UBR3: variants seen among roughly 807,000 people sequenced by gnomAD.
UBR3 encodes ubiquitin protein ligase E3 component n-recognin 3.
A neutral mutation model predicts 243.2 loss-of-function variants in UBR3; 85 were observed. The ratio of observed to expected loss-of-function variants is 0.35; its 90% CI spans 0.29 to 0.42. The LOEUF (loss-of-function observed/expected upper bound fraction) is 0.42. Ranked by LOEUF, UBR3 falls within the 10% of genes least tolerant of loss-of-function variation. The pLI is 1.00. For synonymous variants in UBR3, 748 were observed against 799.8 expected, an observed-to-expected ratio of 0.94 and a Z score of 1.09; for missense variants, 1,686 against 2,300.8, an observed-to-expected ratio of 0.73 and a Z score of 5.47.
chr2:170,051,710 A>T (rs903241754), intron 32 of UBR3, among the ~76,000 whole-genome samples: 2 of 152,230 alleles, frequency 1.3e-5, no homozygotes, highest in African/African-American at 2.4e-5. Context: ...GCTATATGTC[A>T]GTGGTGTTTC....
intron 24 of UBR3, among the ~76,000 whole-genome samples, chr2:169,970,187 A>G (rs1412470674): frequency 8.0e-6 from 1 of 125,696 alleles, no homozygotes; most frequent in Non-Finnish European, 1.7e-5. Flanking sequence ...AGTGTTTTAT[A>G]GTTTTCCTTG....
At chr2:169,852,610 A>G (rs776440778) in intron 1 of UBR3, among the ~76,000 whole-genome samples, 1 of 151,906 alleles carries the variant, frequency 6.6e-6, no homozygotes, top group African/African-American at 2.4e-5. Flanking sequence ...TGGGAGGCCA[A>G]CGCAGGCGGA....
chr2:169,965,049 C>T, intron 24 of UBR3: 2 of 445,080 alleles, frequency 4.5e-6, no homozygotes, highest in Non-Finnish European at 9.0e-6. Flanking sequence ...CACACTGATT[C>T]TGTATTCCCT....
chr2:169,928,094 G>A (rs534724548), intron 17 of UBR3, among the ~76,000 whole-genome samples: 10 of 152,298 alleles, frequency 6.6e-5, no homozygotes, highest in African/African-American at 2.4e-4. Flanking sequence ...TAGAATGCCT[G>A]TTTGACAACC....
chr2:169,907,095 G>A (rs2085044505), intron 10 of UBR3, among the ~76,000 whole-genome samples: 1 of 143,446 alleles, frequency 7.0e-6, no homozygotes, highest in South Asian at 2.3e-4. Flanking sequence ...GGAGTGCAGT[G>A]GCACCATCTC....
intron 11 of UBR3, among the ~76,000 whole-genome samples, chr2:169,919,163 A>C (rs2085588174): frequency 6.6e-6 from 1 of 152,212 alleles, no homozygotes; most frequent in South Asian, 2.1e-4. Flanking sequence ...GCATGAATTT[A>C]TGTGACAGAA....
chr2:170,034,640 G>C (rs1004687463), intron 31 of UBR3, among the ~76,000 whole-genome samples: 2 of 151,966 alleles, frequency 1.3e-5, no homozygotes, highest in Non-Finnish European at 1.5e-5. Context: ...AAACATCTGT[G>C]TGCAGGTTTT....
chr2:169,852,420 T>C (rs1029985498), intron 1 of UBR3, among the ~76,000 whole-genome samples: 2 of 152,212 alleles, frequency 1.3e-5, no homozygotes, highest in Admixed American at 6.5e-5. Context: ...GTAAATAAAA[T>C]GTTATTGGAA....
intron 1 of UBR3, among the ~76,000 whole-genome samples, chr2:169,867,587 G>A (rs559964228): frequency 2.0e-5 from 3 of 152,104 alleles, no homozygotes; most frequent in Non-Finnish European, 4.4e-5. Context: ...TAATAGATAT[G>A]GTCAAGTGCC....
chr2:170,027,766 A>G (rs1310697862), intron 30 of UBR3, among the ~76,000 whole-genome samples: 1 of 151,968 alleles, frequency 6.6e-6, no homozygotes, highest in Non-Finnish European at 1.5e-5. Flanking sequence ...TATAAATTAT[A>G]TGCTTAGTAG....
chr2:169,988,623 A>G (rs1384198098), intron 25 of UBR3, among the ~76,000 whole-genome samples: 4 of 151,948 alleles, frequency 2.6e-5, no homozygotes, highest in Non-Finnish European at 5.9e-5. Context: ...TGGGCAACAC[A>G]GTAAGACCCT....
Position 170,079,837 on chromosome 2 carries a change from A to G in UBR3, c.5223A>G (p.Lys1741=), listed in dbSNP as rs1247828984. Residue 1741 remains lysine, a synonymous_variant, in exon 37 of 39, where the codon AAA becomes AAG. Coordinates refer to ENST00000272793, the MANE Select transcript of UBR3 (RefSeq NM_172070.4). ...QGKALLIQES[K]WKLPHLLQLP... is the part of the protein sequence containing the mutation. Reference sequence around the variant, plus strand: ...AGGCCTTGCTTATCCAAGAGTCAAAATGGAAATTACCACACCTACTACAGT... The same window carrying G: ...AGGCCTTGCTTATCCAAGAGTCAAAGTGGAAATTACCACACCTACTACAGT... 3 of 1,613,172 alleles carry G rather than the reference A, an allele frequency of 1.9e-6. No individual in the cohort carries two copies. The highest frequency in any genetic ancestry group is 1.1e-5 in the South Asian group (1 of 90,734).
intron 35 of UBR3, among the ~76,000 whole-genome samples, chr2:170,062,140 T>C (rs1296439136): frequency 6.6e-6 from 1 of 152,224 alleles, no homozygotes; most frequent in African/African-American, 2.4e-5. Flanking sequence ...ATTCAGTTTG[T>C]AGCCAGTTGT....
intron 1 of UBR3, among the ~76,000 whole-genome samples, chr2:169,831,421 A>G (rs2081939788): frequency 6.6e-6 from 1 of 151,582 alleles, no homozygotes; most frequent in South Asian, 2.1e-4. Context: ...AAGTGCTGGG[A>G]TTACAGGCAT....
At position 169,914,419 on chromosome 2, in the gene UBR3, GTGTCT is replaced by G. The variant is rs1442739148; in HGVS notation, c.1866+274_1866+278del. Among the ~76,000 whole-genome samples, 409 of 152,246 alleles carry G rather than the reference GTGTCT, an allele frequency of 2.7e-3. 3 individuals carry two copies. The highest frequency in any genetic ancestry group is 9.0e-3 in the African/African-American group (375 of 41,528). On this transcript the variant is annotated intron_variant, in intron 11 of 38. Coordinates refer to ENST00000272793, the MANE Select transcript of UBR3 (RefSeq NM_172070.4). The stretch of plus-strand genomic sequence containing the variant: ...TTTGTTTTTCCATTATTAAGTATAT[GTGTCT>G]CATTATTTCTCAGGGTGAAATAGTT...
Position 169,951,706 on chromosome 2 carries a change from A to T in UBR3, c.3545+1641A>T, listed in dbSNP as rs565148405. 7.9e-5 allele frequency among the ~76,000 whole-genome samples: 12 copies of T among 152,128 alleles called. No individual in the cohort carries two copies. The South Asian group carries it at 2.3e-3, about 29-fold the overall frequency. On this transcript the variant is annotated intron_variant, in intron 23 of 38. Transcript: ENST00000272793. ...ACATGAGGGTAGATTAGAGTGGGGT[A>T]AGACTGGAAATTGGGAGAGCAAGCT...
intron 24 of UBR3, among the ~76,000 whole-genome samples, chr2:169,963,049 C>T (rs960997241): frequency 3.3e-5 from 5 of 152,098 alleles, no homozygotes; most frequent in Non-Finnish European, 2.9e-5. Flanking sequence ...ACGTTAGAAG[C>T]CCCAGTTTTC....
chr2:170,059,103 T>TAA (rs2105445546), intron 33 of UBR3, among the ~76,000 whole-genome samples: 1 of 152,308 alleles, frequency 6.6e-6, no homozygotes, highest in South Asian at 2.1e-4. Context: ...TTCAAGAGCC[T>TAA]ACTTTTTCGT....
chr2:169,855,577 A>C (rs1227264057), intron 1 of UBR3, among the ~76,000 whole-genome samples: 2 of 152,106 alleles, frequency 1.3e-5, no homozygotes, highest in Non-Finnish European at 2.9e-5. Flanking sequence ...GCCTTTAAGC[A>C]TCTGTTTAAC....
Sources: allele counts gnomAD v4.1 joint callset (sites outside exome capture counted in the v4.1 genomes callset), GRCh38; gene constraint gnomAD v4.1.1; transcripts MANE v1.5; gene names NCBI Gene and HGNC (gene_info 2026-07-23, HGNC 2026-07-21).